Variants in ASPH observed in about 807,000 individuals in gnomAD.
The protein encoded by ASPH is aspartyl/asparaginyl beta-hydroxylase.
ASPH carries 100 observed loss-of-function variants against 118.4 expected under a neutral mutation model. That is an observed-to-expected ratio of 0.84 (90% CI 0.72 to 1.00). The LOEUF is 1.00. Ranked by LOEUF, ASPH falls within the 50% of genes least tolerant of loss-of-function variation. ASPH has a pLI of 0.00. For missense variants in ASPH, 920 were observed against 919.5 expected (o/e 1.00, Z -0.01); for synonymous variants, 315 against 325.6 (o/e 0.97, Z 0.35).
intron 13 of ASPH, among the ~76,000 whole-genome samples, chr8:61,628,814 A>G (rs1854201955): frequency 6.6e-6 from 1 of 152,208 alleles, no homozygotes; most frequent in Non-Finnish European, 1.5e-5. Flanking sequence ...CCAAGCAAGC[A>G]CAACATTGTC....
chr8:61,653,524 C>T (rs1812149757), intron 4 of ASPH, 44 bp downstream of exon 4: 1 of 1,589,182 alleles, frequency 6.3e-7, no homozygotes, highest in Non-Finnish European at 8.6e-7. Context: ...ACCTGTCAGG[C>T]TCTGGCACAC....
intron 24 of ASPH, among the ~76,000 whole-genome samples, chr8:61,513,547 G>T (rs1027637274): frequency 2.2e-4 from 34 of 152,222 alleles, no homozygotes; most frequent in Non-Finnish European, 5.0e-4. Flanking sequence ...GAGGCAGAAG[G>T]ACCCCTGTGC....
intron 14 of ASPH, among the ~76,000 whole-genome samples, chr8:61,609,191 G>A (rs925243224): frequency 3.3e-5 from 5 of 152,166 alleles, no homozygotes; most frequent in Admixed American, 1.3e-4. Flanking sequence ...CAGGGCTAGC[G>A]ACGGGGCTTT....
intron 1 of ASPH, among the ~76,000 whole-genome samples, chr8:61,706,991 T>C (rs759649824): frequency 1.3e-5 from 2 of 152,024 alleles, no homozygotes; most frequent in Non-Finnish European, 2.9e-5. Flanking sequence ...GGTTCAGAGA[T>C]CTAAATGTAA....
intron 21 of ASPH, among the ~76,000 whole-genome samples, chr8:61,541,154 AATTT>A (rs949944865): frequency 2.6e-5 from 4 of 152,198 alleles, no homozygotes; most frequent in African/African-American, 4.8e-5. Context: ...TAAAAGATAG[AATTT>A]ATTTATTCAA....
intron 3 of ASPH, among the ~76,000 whole-genome samples, chr8:61,654,863 G>C (rs1812831994): frequency 6.6e-6 from 1 of 152,176 alleles, no homozygotes; most frequent in South Asian, 2.1e-4. Flanking sequence ...AGGCTGCAAA[G>C]GGATTATACA....
intron 22 of ASPH, among the ~76,000 whole-genome samples, chr8:61,522,487 A>C (rs1813485597): frequency 6.6e-6 from 1 of 152,004 alleles, no homozygotes; most frequent in Non-Finnish European, 1.5e-5. Flanking sequence ...CTGCATCCCC[A>C]CCCAAATCTC....
chr8:61,683,825 T>C, intron 2 of ASPH: 1 of 470,374 alleles, frequency 2.1e-6, no homozygotes, highest in East Asian at 3.1e-5. Flanking sequence ...ATATAAAGCC[T>C]TTTTTCAAAA....
chr8:61,543,102 A>G (rs1393254859), intron 21 of ASPH, among the ~76,000 whole-genome samples: 2 of 152,186 alleles, frequency 1.3e-5, no homozygotes, highest in Non-Finnish European at 2.9e-5. Context: ...TGATGTGTCT[A>G]GGTATGTTTC....
intron 14 of ASPH, among the ~76,000 whole-genome samples, chr8:61,592,032 C>T (rs1474385244): frequency 6.6e-6 from 1 of 152,204 alleles, no homozygotes; most frequent in African/African-American, 2.4e-5. Context: ...TACACAGACA[C>T]ATCCTGGCTT....
intron 10 of ASPH, among the ~76,000 whole-genome samples, chr8:61,641,007 C>T (rs1334538517): frequency 2.0e-5 from 3 of 152,176 alleles, no homozygotes; most frequent in Non-Finnish European, 4.4e-5. Flanking sequence ...GGTTTCTCTG[C>T]TCTGATTCCT....
At chr8:61,565,601 T>G (rs1831408719) in intron 17 of ASPH, among the ~76,000 whole-genome samples, 1 of 146,966 alleles carries the variant, frequency 6.8e-6, no homozygotes, top group African/African-American at 2.5e-5. Context: ...TGTAGCAAGT[T>G]TCCAGAAGAT....
chr8:61,515,534 G>T (rs1810584865), intron 24 of ASPH, among the ~76,000 whole-genome samples: 1 of 152,084 alleles, frequency 6.6e-6, no homozygotes, highest in African/African-American at 2.4e-5. Context: ...ATTGTCTCAA[G>T]CTTCCTCTAG....
chr8:61,578,770 A>G (rs562564431), intron 15 of ASPH: 2 of 1,590,680 alleles, frequency 1.3e-6, no homozygotes, highest in East Asian at 4.5e-5. Context: ...GATGAGATCA[A>G]TAAGCATACA....
intron 3 of ASPH, chr8:61,663,627 A>G (rs1818030082): frequency 1.0e-6 from 1 of 985,368 alleles, no homozygotes; most frequent in Non-Finnish European, 1.2e-6. Flanking sequence ...TTGGTTTACA[A>G]TGTTCTTGTA....
chr8:61,546,826 T>C (rs1824047779), intron 21 of ASPH, among the ~76,000 whole-genome samples: 1 of 152,182 alleles, frequency 6.6e-6, no homozygotes, highest in Admixed American at 6.5e-5. Flanking sequence ...AGAAAAATTA[T>C]GAAAAATTTC....
intron 3 of ASPH, chr8:61,675,651 C>T (rs1824891949): frequency 2.0e-6 from 2 of 980,782 alleles, no homozygotes; most frequent in Middle Eastern, 5.2e-4. Flanking sequence ...AAAAATCATG[C>T]CAGAAATATT....
At chr8:61,697,649 C>T (rs1230451827) in intron 1 of ASPH, among the ~76,000 whole-genome samples, 1 of 152,168 alleles carries the variant, frequency 6.6e-6, no homozygotes, top group African/African-American at 2.4e-5. Flanking sequence ...CAGAGAAACA[C>T]ATTTACTAGT....
At chr8:61,696,680 C>T (rs1833998263) in intron 1 of ASPH, among the ~76,000 whole-genome samples, 2 of 149,822 alleles carry the variant, frequency 1.3e-5, no homozygotes, top group African/African-American at 4.9e-5. Context: ...AAGCATTCCT[C>T]TGAGCTATTC....
Sources: allele counts gnomAD v4.1 joint callset (sites outside exome capture counted in the v4.1 genomes callset), GRCh38; gene constraint gnomAD v4.1.1; transcripts MANE v1.5; gene names NCBI Gene and HGNC (gene_info 2026-07-23, HGNC 2026-07-21).